Variants in HIRA observed in about 807,000 individuals in gnomAD.
HIRA encodes the protein protein HIRA.
HIRA carries 13 observed loss-of-function variants against 126.6 expected under a neutral mutation model. The observed-to-expected ratio is 0.10, with a 90% CI of 0.07 to 0.16. The LOEUF is 0.16. HIRA is among the 10% of genes least tolerant of loss of function. HIRA has a pLI of 1.00. For missense variants in HIRA, 834 were observed against 1,314.4 expected, an observed-to-expected ratio of 0.63 and a Z score of 5.65; for synonymous variants, 511 against 520.0, an observed-to-expected ratio of 0.98 and a Z score of 0.24.
intron 11 of HIRA, among the ~76,000 whole-genome samples, chr22:19,386,656 C>T (rs2089130008): frequency 6.6e-6 from 1 of 152,190 alleles, no homozygotes; most frequent in Non-Finnish European, 1.5e-5. Flanking sequence ...AGTGTTTGGC[C>T]AGGGTTTCCC....
chr22:19,345,494 C>G (rs1412329488), intron 24 of HIRA, among the ~76,000 whole-genome samples: 2 of 152,216 alleles, frequency 1.3e-5, no homozygotes, highest in African/African-American at 4.8e-5. Flanking sequence ...ACAGGTCTTA[C>G]AGCAGCAGTC....
At chr22:19,398,190 T>C in intron 5 of HIRA, 103 bp from the exon 6 acceptor site, 1 of 777,078 alleles carries the variant, frequency 1.3e-6, no homozygotes, top group South Asian at 1.8e-5. Flanking sequence ...ATAACCACTC[T>C]GGTATTTTTT....
intron 4 of HIRA, among the ~76,000 whole-genome samples, chr22:19,406,667 G>T (rs2089310469): frequency 6.6e-6 from 1 of 152,232 alleles, no homozygotes; most frequent in Non-Finnish European, 1.5e-5. Context: ...GTGAGCAATG[G>T]TGCAGGGTCT....
chr22:19,380,325 C>T (rs1461548291), intron 13 of HIRA, among the ~76,000 whole-genome samples: 1 of 152,192 alleles, frequency 6.6e-6, no homozygotes, highest in East Asian at 1.9e-4. Flanking sequence ...TGGGACCCAA[C>T]ATTGTTTCTA....
chr22:19,394,762 G>A (rs186715130), intron 7 of HIRA, among the ~76,000 whole-genome samples: 79 of 152,296 alleles, frequency 5.2e-4, no homozygotes, highest in African/African-American at 1.7e-3. Flanking sequence ...GTACAGAAGT[G>A]TATGCCCTGA....
chr22:19,346,593 G>A (rs782286454), intron 24 of HIRA, among the ~76,000 whole-genome samples: 7 of 152,198 alleles, frequency 4.6e-5, no homozygotes, highest in Non-Finnish European at 7.3e-5. Context: ...GAGAAAACCT[G>A]CTCATTTTCC....
chr22:19,412,204 C>T (rs1261236113), intron 1 of HIRA, among the ~76,000 whole-genome samples: 7 of 152,126 alleles, frequency 4.6e-5, no homozygotes, highest in African/African-American at 1.7e-4. Context: ...TACCCTGAGA[C>T]CACCATGTTT....
intron 5 of HIRA, among the ~76,000 whole-genome samples, chr22:19,404,199 C>T (rs2089291053): frequency 6.6e-6 from 1 of 152,050 alleles, no homozygotes; most frequent in African/African-American, 2.4e-5. Flanking sequence ...ATTGATTTTT[C>T]TTCTTGAATG....
chr22:19,367,424 T>G (rs1569297472), intron 15 of HIRA, among the ~76,000 whole-genome samples: 1 of 151,434 alleles, frequency 6.6e-6, no homozygotes, highest in East Asian at 1.9e-4. Context: ...TGGAATGCAG[T>G]GGTGTGATCT....
At chr22:19,356,835 C>T (rs2146193125) in intron 19 of HIRA, 55 bp downstream of exon 19, 4 of 1,568,952 alleles carry the variant, frequency 2.5e-6, no homozygotes, top group African/African-American at 1.3e-5. Flanking sequence ...GTGGGGCCTA[C>T]ACAGCCCTGT....
At chr22:19,333,348 A>G (rs1268285422) in intron 24 of HIRA, among the ~76,000 whole-genome samples, 1 of 152,112 alleles carries the variant, frequency 6.6e-6, no homozygotes, top group Non-Finnish European at 1.5e-5. Context: ...TATGATTACT[A>G]TCAACTTTAT....
Position 19,331,392 on chromosome 22 carries a change from C to T in HIRA, c.*48G>A, listed in dbSNP as rs200208794. 1.4e-5 allele frequency: 23 copies of T among 1,611,518 alleles called. No individual in the cohort carries two copies. Among genetic ancestry groups the T allele is most frequent in the Non-Finnish European group, 5.9e-6 (7 of 1,179,720 alleles). ...AGGCGGTCCTGCATGTCATCAGCGG[C>T]GAGAGTGTGGCCCTGCCCTTGCTGC... On this transcript the variant is annotated 3_prime_UTR_variant, in exon 25 of 25. Coordinates refer to ENST00000263208, the MANE Select transcript of HIRA (RefSeq NM_003325.4).
At chr22:19,353,867 G>C (rs1556011704) in intron 22 of HIRA, 129 bp downstream of exon 22, 1 of 1,191,180 alleles carries the variant, frequency 8.4e-7, no homozygotes. Flanking sequence ...TGCCTGTGCT[G>C]ACCAGCACCT....
intron 24 of HIRA, among the ~76,000 whole-genome samples, chr22:19,333,086 T>C (rs1451584041): frequency 6.6e-6 from 1 of 152,030 alleles, no homozygotes. Flanking sequence ...TTTTTATATA[T>C]TTAGTAGAGC....
At position 19,375,694 on chromosome 22, in the gene HIRA, T is replaced by C; in HGVS notation, c.1712A>G (p.Glu571Gly). The change falls in exon 15 of 25, where the codon GAG becomes GGG. Residue 571 changes from glutamate (E) to glycine (G), a missense_variant. Physicochemically the swap from Glu to Gly is moderately conservative, Grantham distance 98. This residue lies in a region of HIRA where 468 missense variants were observed against 574.2 expected (regional missense o/e 0.82). Coordinates refer to ENST00000263208, the MANE Select transcript of HIRA (RefSeq NM_003325.4). ...PMKAFDSRFTERSKATPGAPA... is the reference protein window; with the variant it reads ...PMKAFDSRFTGRSKATPGAPA... ...AGCACCTGGTGTGGCTTTGGACCGC[T>C]CTGTGAACCGGGAGTCAAACGCTTT... 6.2e-7 allele frequency: 1 copy of C among 1,614,188 alleles called. No individual in the cohort carries two copies. Among genetic ancestry groups the C allele is most frequent in the Non-Finnish European group, 8.5e-7 (1 of 1,180,034 alleles).
intron 1 of HIRA, among the ~76,000 whole-genome samples, chr22:19,412,853 T>C (rs998039632): frequency 2.0e-5 from 3 of 152,190 alleles, no homozygotes; most frequent in Non-Finnish European, 2.9e-5. Flanking sequence ...GTGCCAGGCA[T>C]TAGGCTAAGC....
Position 19,398,087 on chromosome 22 carries a change from T to A in HIRA, c.398A>T (p.Asp133Val), listed in dbSNP as rs1242566049. Reference protein sequence around the residue: ...CVSILRNHSGDVMDVAWSPHD... With the variant: ...CVSILRNHSGVVMDVAWSPHD... ...GGGAGACCATGCTACATCCATCACATCTGAAAGAAGACAGAGGGTTCTGGT... is the reference window on the plus strand; with the variant it reads ...GGGAGACCATGCTACATCCATCACAACTGAAAGAAGACAGAGGGTTCTGGT... The change falls in exon 6 of 25, where the codon GAT becomes GTT. Residue 133 changes from aspartate to valine, a missense_variant and splice_region_variant. Physicochemically the swap from Asp to Val is radical, Grantham distance 152 (BLOSUM62 -3). Around this residue, in one of 5 missense-constraint regions of HIRA, gnomAD observed 102 missense variants for 191.4 expected, o/e 0.53. Transcript: ENST00000263208. 1 of 1,612,878 alleles carries A rather than the reference T, an allele frequency of 6.2e-7. No individual in the cohort carries two copies.
chr22:19,408,785 C>T (rs1242331131), intron 2 of HIRA, among the ~76,000 whole-genome samples, 192 bp from the exon 3 acceptor site: 5 of 152,104 alleles, frequency 3.3e-5, no homozygotes, highest in Non-Finnish European at 7.3e-5. Flanking sequence ...GGGGACGAAA[C>T]GGAGCGGACT....
At chr22:19,417,767 G>C (rs1411978802) in intron 1 of HIRA, among the ~76,000 whole-genome samples, 1 of 152,178 alleles carries the variant, frequency 6.6e-6, no homozygotes, top group African/African-American at 2.4e-5. Context: ...ATAACCAAAA[G>C]AAAGGGTCTT....
Sources: allele counts gnomAD v4.1 joint callset (sites outside exome capture counted in the v4.1 genomes callset), GRCh38; gene constraint gnomAD v4.1.1; regional missense constraint gnomAD v4.1.1; transcripts MANE v1.5; gene names NCBI Gene and HGNC (gene_info 2026-07-23, HGNC 2026-07-21).